DNAH8: variants seen among roughly 807,000 people sequenced by gnomAD.
DNAH8 encodes the protein dynein axonemal heavy chain 8.
A neutral mutation model predicts 562.1 loss-of-function variants in DNAH8; 382 were observed. That is an observed-to-expected ratio of 0.68 (90% CI 0.63 to 0.74). The LOEUF (loss-of-function observed/expected upper bound fraction) is 0.74, where lower values mean the gene tolerates loss of function less well. Ranked by LOEUF, DNAH8 falls within the 30% of genes least tolerant of loss-of-function variation. DNAH8 has a pLI of 0.00. For synonymous variants in DNAH8, 1,881 were observed against 1,919.4 expected, an observed-to-expected ratio of 0.98 and a Z score of 0.52; for missense variants, 5,203 against 5,620.4, an observed-to-expected ratio of 0.93 and a Z score of 2.37.
intron 88 of DNAH8, among the ~76,000 whole-genome samples, chr6:39,000,663 G>A (rs571558306): frequency 1.3e-4 from 20 of 152,270 alleles, no homozygotes; most frequent in African/African-American, 3.9e-4. Flanking sequence ...CAAGCTCAGG[G>A]CTCCCACAGA....
intron 91 of DNAH8, among the ~76,000 whole-genome samples, chr6:39,016,709 G>A (rs1298114777): frequency 6.6e-6 from 1 of 152,216 alleles, no homozygotes; most frequent in African/African-American, 2.4e-5. Context: ...ATTCACGTGT[G>A]ATTGCTAATG....
intron 82 of DNAH8, among the ~76,000 whole-genome samples, chr6:38,956,014 A>C (rs1762219785): frequency 6.6e-6 from 1 of 152,204 alleles, no homozygotes; most frequent in African/African-American, 2.4e-5. Context: ...TTGTAGGTGG[A>C]ATCAGGCACA....
chr6:38,875,565 ATTTAT>A, intron 52 of DNAH8, 21 bp from the exon 53 acceptor site: 5 of 1,334,824 alleles, frequency 3.7e-6, no homozygotes, highest in Non-Finnish European at 5.1e-6. Flanking sequence ...TAATTTAAAA[ATTTAT>A]TTTATTTGAA....
intron 85 of DNAH8, among the ~76,000 whole-genome samples, chr6:38,974,930 A>G (rs1297985832): frequency 6.6e-6 from 1 of 152,190 alleles, no homozygotes; most frequent in Non-Finnish European, 1.5e-5. Flanking sequence ...CTCCTGTAAT[A>G]CTAACAACCA....
intron 21 of DNAH8, among the ~76,000 whole-genome samples, chr6:38,794,555 A>G (rs551531253): frequency 3.3e-5 from 5 of 152,318 alleles, no homozygotes; most frequent in African/African-American, 1.2e-4. Context: ...TACTCCAGCC[A>G]GTTACACTTC....
intron 30 of DNAH8, among the ~76,000 whole-genome samples, chr6:38,829,496 G>A (rs936142024): frequency 1.3e-5 from 2 of 152,244 alleles, no homozygotes; most frequent in East Asian, 3.9e-4. Flanking sequence ...GATACATTTT[G>A]AGTTAATTTG....
chr6:38,930,437 A>G (rs1170472022), intron 75 of DNAH8, among the ~76,000 whole-genome samples: 1 of 150,114 alleles, frequency 6.7e-6, no homozygotes, highest in African/African-American at 2.4e-5. Context: ...AGATTTATTC[A>G]GAAAAATTTT....
intron 28 of DNAH8, among the ~76,000 whole-genome samples, chr6:38,824,734 G>A (rs1047119202): frequency 1.3e-5 from 2 of 151,984 alleles, no homozygotes; most frequent in African/African-American, 4.8e-5. Context: ...TCCACCTCAC[G>A]AAATGCTTTA....
intron 21 of DNAH8, among the ~76,000 whole-genome samples, chr6:38,792,626 C>T (rs557125538): frequency 6.6e-6 from 1 of 152,288 alleles, no homozygotes; most frequent in South Asian, 2.1e-4. Flanking sequence ...AATGTAACCT[C>T]TTCAGCATTG....
At chr6:38,759,349 C>G (rs1225201666) in intron 10 of DNAH8, among the ~76,000 whole-genome samples, 1 of 151,540 alleles carries the variant, frequency 6.6e-6, no homozygotes, top group African/African-American at 2.4e-5. Context: ...AAACCACCAC[C>G]AACGAAAAAA....
In DNAH8 at chr6:38,906,412, G is replaced by T. The variant is rs181549177; in HGVS notation, c.9348+5G>T. The T allele has an allele frequency of 4.7e-4, 727 of 1,554,112 alleles. 5 individuals are homozygous for T. Among genetic ancestry groups the T allele is most frequent in the Non-Finnish European group, 6.6e-5 (76 of 1,152,502 alleles). On this transcript the variant is annotated splice_donor_5th_base_variant and intron_variant, in intron 63 of 92. Coordinates refer to ENST00000327475, the MANE Select transcript of DNAH8 (RefSeq NM_001206927.2). ...AACTTGCTATCTTCAGGGGAGGTAA[G>T]TCTCAAAAGTAGAGAAAAAGCCCAT... is the stretch of plus-strand genomic sequence containing the variant.
At chr6:38,881,155 C>T (rs1778446703) in intron 53 of DNAH8, among the ~76,000 whole-genome samples, 3 of 152,298 alleles carry the variant, frequency 2.0e-5, no homozygotes, top group South Asian at 4.1e-4. Flanking sequence ...TCATATGCTA[C>T]AGAATGGCAC....
At chr6:38,837,503 T>A (rs1008418162) in intron 32 of DNAH8, among the ~76,000 whole-genome samples, 1 of 152,252 alleles carries the variant, frequency 6.6e-6, no homozygotes, top group Admixed American at 6.5e-5. Context: ...AATTGGATCT[T>A]CTTTTTTATA....
chr6:38,745,137 G>A (rs947302482), intron 8 of DNAH8, among the ~76,000 whole-genome samples: 1 of 152,154 alleles, frequency 6.6e-6, no homozygotes, highest in Non-Finnish European at 1.5e-5. Flanking sequence ...ACTGTAAAAA[G>A]GATAAATTCC....
At chr6:38,757,401 A>G (rs1483366920) in intron 10 of DNAH8, among the ~76,000 whole-genome samples, 1 of 150,916 alleles carries the variant, frequency 6.6e-6, no homozygotes, top group African/African-American at 2.4e-5. Context: ...GTTTGAGTTC[A>G]TTGTAGATTC....
intron 53 of DNAH8, among the ~76,000 whole-genome samples, chr6:38,879,376 C>A (rs1376607122): frequency 6.6e-6 from 1 of 151,960 alleles, no homozygotes; most frequent in Non-Finnish European, 1.5e-5. Context: ...ATAACAAATC[C>A]AATAGTATAC....
intron 9 of DNAH8, among the ~76,000 whole-genome samples, chr6:38,752,659 T>G (rs1199865451): frequency 6.6e-6 from 1 of 152,186 alleles, no homozygotes; most frequent in African/African-American, 2.4e-5. Flanking sequence ...TCACTTAGAC[T>G]TGGAGAAGAA....
intron 41 of DNAH8, among the ~76,000 whole-genome samples, chr6:38,856,859 A>T (rs576487924): frequency 6.6e-6 from 1 of 152,206 alleles, no homozygotes; most frequent in South Asian, 2.1e-4. Flanking sequence ...TCCTGAAGGG[A>T]CAACCCTTTC....
chr6:38,936,619 C>CGAGT (rs1782991365), intron 77 of DNAH8, among the ~76,000 whole-genome samples: 1 of 152,164 alleles, frequency 6.6e-6, no homozygotes, highest in African/African-American at 2.4e-5. Flanking sequence ...TCTGCCTACT[C>CGAGT]GCACTGCTCC....
Sources: allele counts gnomAD v4.1 joint callset (sites outside exome capture counted in the v4.1 genomes callset), GRCh38; gene constraint gnomAD v4.1.1; transcripts MANE v1.5; gene names NCBI Gene and HGNC (gene_info 2026-07-23, HGNC 2026-07-21).